The following DGKB variants were observed in gnomAD, a reference collection of about 807,000 sequenced individuals.
The protein encoded by DGKB is 90 kDa diacylglycerol kinase.
DGKB carries 67 observed loss-of-function variants against 114.3 expected under a neutral mutation model. The observed-to-expected ratio is 0.59, with a 90% CI of 0.48 to 0.72. DGKB has a LOEUF of 0.72. Ranked by LOEUF, DGKB falls within the 30% of genes least tolerant of loss-of-function variation. The pLI, the probability that DGKB is intolerant of heterozygous loss-of-function variation, is 0.00. For synonymous variants in DGKB, 398 were observed against 323.1 expected (o/e 1.23, Z -2.49); for missense variants, 907 against 975.2 (o/e 0.93, Z 0.93).
rs1272627249 is a variant in DGKB, at chr7:14,347,785, T to G, written c.1836-2394A>C. On this transcript the variant is annotated intron_variant, in intron 21 of 25. Transcript: ENST00000402815. ...TTTGAAATTAACTAGAGTAGTAGAT[T>G]GTAAGTTTCTATGTGAAGTCATGGA... Among the ~76,000 whole-genome samples the G allele has an allele frequency of 2.6e-5, 4 of 152,134 alleles. No individual in the cohort carries two copies. The East Asian group carries it at 7.7e-4, about 29-fold the overall frequency.
intron 21 of DGKB, among the ~76,000 whole-genome samples, chr7:14,387,220 G>A (rs913954153): frequency 3.3e-5 from 5 of 151,852 alleles, no homozygotes; most frequent in African/African-American, 1.2e-4. Flanking sequence ...TCAGGAGATC[G>A]AGACAAGCCT....
At chr7:14,286,404 G>C (rs1800881051) in intron 23 of DGKB, among the ~76,000 whole-genome samples, 1 of 152,162 alleles carries the variant, frequency 6.6e-6, no homozygotes, top group South Asian at 2.1e-4. Context: ...AAAGAATACA[G>C]AGAATGTATT....
At chr7:14,162,883 C>T (rs920759848) in intron 25 of DGKB, among the ~76,000 whole-genome samples, 2 of 152,182 alleles carry the variant, frequency 1.3e-5, no homozygotes, top group Non-Finnish European at 2.9e-5. Context: ...ACTTCAGTAT[C>T]TTTCCAAAGT....
chr7:14,930,110 G>T (rs1784931091), intron 1 of DGKB, among the ~76,000 whole-genome samples: 1 of 152,082 alleles, frequency 6.6e-6, no homozygotes, highest in African/African-American at 2.4e-5. Context: ...GTACCATGCT[G>T]TTTTTGTTAC....
intron 2 of DGKB, among the ~76,000 whole-genome samples, chr7:14,786,413 ACTC>A (rs901804668): frequency 6.6e-6 from 1 of 152,122 alleles, no homozygotes; most frequent in African/African-American, 2.4e-5. Flanking sequence ...AGACTGATCA[ACTC>A]CTGTAAAATT....
intron 21 of DGKB, among the ~76,000 whole-genome samples, chr7:14,451,564 TC>T (rs1470289561): frequency 3.7e-4 from 56 of 151,860 alleles, no homozygotes; most frequent in African/African-American, 1.3e-3. Context: ...TCTCTCTCTC[TC>T]TCTCTCTCTC....
At chr7:14,432,381 C>T (rs1024266627) in intron 21 of DGKB, among the ~76,000 whole-genome samples, 1 of 152,154 alleles carries the variant, frequency 6.6e-6, no homozygotes, top group Non-Finnish European at 1.5e-5. Flanking sequence ...CCGTGCAAAA[C>T]AATAGGCTGT....
At chr7:14,507,824 C>T (rs7793372) in intron 20 of DGKB, among the ~76,000 whole-genome samples, 59,470 of 151,936 alleles carry the variant, frequency 0.39, 11,920 homozygotes, top group Admixed American at 0.48. Flanking sequence ...CAAAAAAACA[C>T]GTGAGTCAAC....
intron 1 of DGKB, among the ~76,000 whole-genome samples, chr7:14,860,418 T>C (rs945223727): frequency 2.0e-5 from 3 of 152,012 alleles, no homozygotes; most frequent in Non-Finnish European, 4.4e-5. Flanking sequence ...ATTTCTTTTG[T>C]ATGTGTGCTT....
intron 1 of DGKB, among the ~76,000 whole-genome samples, chr7:14,863,538 A>T (rs1360384529): frequency 6.6e-6 from 1 of 152,024 alleles, no homozygotes; most frequent in Non-Finnish European, 1.5e-5. Flanking sequence ...CATAATAGAG[A>T]TGGGCATATA....
intron 20 of DGKB, among the ~76,000 whole-genome samples, chr7:14,500,003 C>G (rs1785896328): frequency 6.6e-6 from 1 of 151,814 alleles, no homozygotes; most frequent in East Asian, 1.9e-4. Flanking sequence ...ATAAGTTGAA[C>G]CAGGACTACT....
intron 23 of DGKB, among the ~76,000 whole-genome samples, chr7:14,287,604 T>C (rs1801076751): frequency 6.6e-6 from 1 of 152,136 alleles, no homozygotes; most frequent in Non-Finnish European, 1.5e-5. Context: ...AAGAGTAGTA[T>C]CTGTGGTTAA....
chr7:14,956,502 C>A (rs897058637), intron 1 of DGKB, among the ~76,000 whole-genome samples: 1 of 152,002 alleles, frequency 6.6e-6, no homozygotes, highest in African/African-American at 2.4e-5. Flanking sequence ...AAGTAATTTA[C>A]TAATGGGCTC....
intron 23 of DGKB, among the ~76,000 whole-genome samples, chr7:14,285,002 A>G (rs1466301256): frequency 6.9e-6 from 1 of 144,232 alleles, no homozygotes; most frequent in Non-Finnish European, 1.5e-5. Context: ...CCTAAAACTT[A>G]AAGTATAATA....
chr7:14,417,790 T>C (rs1417962856), intron 21 of DGKB, among the ~76,000 whole-genome samples: 1 of 151,906 alleles, frequency 6.6e-6, no homozygotes, highest in Non-Finnish European at 1.5e-5. Flanking sequence ...CTTTCTGCTG[T>C]AATATTTTGG....
At chr7:14,526,629 T>C (rs545628370) in intron 20 of DGKB, among the ~76,000 whole-genome samples, 1 of 152,280 alleles carries the variant, frequency 6.6e-6, no homozygotes, top group South Asian at 2.1e-4. Context: ...TGTAAAGATA[T>C]GTAAGAGAGT....
At chr7:14,229,220 A>G (rs1158313039) in intron 23 of DGKB, among the ~76,000 whole-genome samples, 1 of 152,022 alleles carries the variant, frequency 6.6e-6, no homozygotes, top group Non-Finnish European at 1.5e-5. Context: ...TCATACATAC[A>G]TACACTCATA....
intron 20 of DGKB, among the ~76,000 whole-genome samples, chr7:14,538,218 A>G (rs1233577071): frequency 6.6e-6 from 1 of 152,072 alleles, no homozygotes; most frequent in African/African-American, 2.4e-5. Context: ...ATGTATTTGA[A>G]AAGTGGTTAA....
intron 5 of DGKB, among the ~76,000 whole-genome samples, chr7:14,722,366 C>CT (rs1374193214): frequency 1.3e-5 from 2 of 152,210 alleles, no homozygotes; most frequent in East Asian, 3.9e-4. Flanking sequence ...TTTAGACTGG[C>CT]TTTTTTCTGT....
Sources: allele counts gnomAD v4.1 joint callset (sites outside exome capture counted in the v4.1 genomes callset), GRCh38; gene constraint gnomAD v4.1.1; transcripts MANE v1.5; gene names NCBI Gene and HGNC (gene_info 2026-07-23, HGNC 2026-07-21).